The following CCDC93 variants were observed in gnomAD, a reference collection of about 807,000 sequenced individuals.
CCDC93 encodes the protein CCC complex scaffolding subunit CCDC93.
In CCDC93, 61 loss-of-function variants were observed where a neutral mutation model predicts 108.2. The ratio of observed to expected loss-of-function variants is 0.56; its 90% CI spans 0.46 to 0.70. The LOEUF (loss-of-function observed/expected upper bound fraction) is 0.70. CCDC93 is among the 30% of genes least tolerant of loss of function. CCDC93 has a pLI of 0.00. For missense variants in CCDC93, 685 were observed against 764.2 expected (o/e 0.90, Z 1.22); for synonymous variants, 276 against 260.4 (o/e 1.06, Z -0.58).
In CCDC93 at chr2:117,964,849, C is replaced by G. The variant is rs183876772; in HGVS notation, c.889-6368G>C. Among the ~76,000 whole-genome samples the G allele has an allele frequency of 8.5e-5, 13 of 152,294 alleles. No homozygotes were observed. The South Asian group carries it at 2.7e-3, about 32-fold the overall frequency. On this transcript the variant is annotated intron_variant, in intron 11 of 23. Coordinates refer to ENST00000376300, the MANE Select transcript of CCDC93 (RefSeq NM_019044.5). ...AACTCCTGGCCTCAAGCGATCCTCTCGCCTCAGGCTCCCAAAATGCTTGGA... is the reference window on the plus strand; with the variant it reads ...AACTCCTGGCCTCAAGCGATCCTCTGGCCTCAGGCTCCCAAAATGCTTGGA...
intron 13 of CCDC93, among the ~76,000 whole-genome samples, chr2:117,952,016 C>A (rs1679071172): frequency 6.6e-6 from 1 of 152,104 alleles, no homozygotes; most frequent in South Asian, 2.1e-4. Context: ...AGTTACTATA[C>A]AAGCTGCTGT....
chr2:117,970,190 G>T (rs1231419481), intron 11 of CCDC93, among the ~76,000 whole-genome samples: 1 of 152,094 alleles, frequency 6.6e-6, no homozygotes, highest in Non-Finnish European at 1.5e-5. Context: ...AATAATACAA[G>T]AAAGAGGCCA....
At chr2:117,995,193 G>A (rs1187608091) in intron 6 of CCDC93, among the ~76,000 whole-genome samples, 1 of 152,216 alleles carries the variant, frequency 6.6e-6, no homozygotes, top group Non-Finnish European at 1.5e-5. Context: ...GAAGGGCTCT[G>A]TGTTTGGCTA....
At chr2:117,924,253 C>A (rs531500477) in intron 23 of CCDC93, among the ~76,000 whole-genome samples, 79 of 152,296 alleles carry the variant, frequency 5.2e-4, no homozygotes, top group African/African-American at 1.8e-3. Flanking sequence ...CAGCTCCTCA[C>A]CAGCAATGGA....
At chr2:117,938,378 T>C (rs903756454) in intron 20 of CCDC93, among the ~76,000 whole-genome samples, 1 of 152,204 alleles carries the variant, frequency 6.6e-6, no homozygotes. Context: ...GGGAAAGCCC[T>C]GAGCCATTAA....
intron 1 of CCDC93, among the ~76,000 whole-genome samples, chr2:118,013,649 G>A (rs911065458): frequency 6.6e-6 from 1 of 152,178 alleles, no homozygotes; most frequent in Non-Finnish European, 1.5e-5. Flanking sequence ...AGAAAGGTGG[G>A]AGCCCAGGAC....
chr2:118,006,602 C>T (rs369516568), intron 3 of CCDC93, 120 bp downstream of exon 3: 1 of 687,576 alleles, frequency 1.5e-6, no homozygotes, highest in Non-Finnish European at 2.6e-6. Flanking sequence ...GGGATAATAC[C>T]TCTTGTAATA....
At chr2:117,973,799 G>C in intron 11 of CCDC93, 109 bp downstream of exon 11, 1 of 792,356 alleles carries the variant, frequency 1.3e-6, no homozygotes, top group Non-Finnish European at 2.2e-6. Flanking sequence ...CGTGGCTGGT[G>C]AGTTACAAGA....
At chr2:117,949,815 T>C (rs996246893) in intron 13 of CCDC93, 3 of 985,264 alleles carry the variant, frequency 3.0e-6, no homozygotes, top group Non-Finnish European at 3.6e-6. Context: ...ATCCAGACTA[T>C]TACATTAGAA....
At chr2:117,952,103 T>A (rs1049047349) in intron 13 of CCDC93, among the ~76,000 whole-genome samples, 3 of 151,822 alleles carry the variant, frequency 2.0e-5, no homozygotes, top group African/African-American at 7.3e-5. Flanking sequence ...AGGCTCACCT[T>A]CCCAGGAAGC....
intron 13 of CCDC93, chr2:117,950,340 T>C (rs531058165): frequency 4.1e-5 from 40 of 985,378 alleles, no homozygotes; most frequent in African/African-American, 5.2e-5. Context: ...TTAATGTACT[T>C]AGACATAAAA....
intron 20 of CCDC93, among the ~76,000 whole-genome samples, chr2:117,937,792 A>G (rs977701806): frequency 6.6e-6 from 1 of 152,174 alleles, no homozygotes; most frequent in Admixed American, 6.5e-5. Context: ...AATCCCATGA[A>G]ATGCATTCAT....
intron 12 of CCDC93, among the ~76,000 whole-genome samples, chr2:117,956,122 T>C (rs1054197108): frequency 2.0e-5 from 3 of 152,224 alleles, no homozygotes; most frequent in Non-Finnish European, 2.9e-5. Flanking sequence ...CTCATTTTCC[T>C]CATCCAGTTG....
At chr2:118,007,712 CT>C (rs1423057835) in intron 2 of CCDC93, among the ~76,000 whole-genome samples, 2 of 152,182 alleles carry the variant, frequency 1.3e-5, no homozygotes, top group African/African-American at 4.8e-5. Flanking sequence ...AATCTTACCC[CT>C]GGCTGCTTTA....
At chr2:117,999,256 T>C (rs550464247) in intron 4 of CCDC93, 19 of 152,192 alleles carry the variant, frequency 1.2e-4, no homozygotes, top group Non-Finnish European at 2.6e-4. Flanking sequence ...AGAGAACTTC[T>C]AGCTTCAAGG....
In CCDC93 at chr2:117,920,729, T is replaced by G. The variant is rs28496621; in HGVS notation, c.1843-333A>C. Among the ~76,000 whole-genome samples the G allele has an allele frequency of 8.4e-3, 1,270 of 152,066 alleles. 21 individuals are homozygous for G. Among genetic ancestry groups the G allele is most frequent in the African/African-American group, 0.029 (1,217 of 41,368 alleles). ...CTTATCTGCCAGTCTTGGCCTACTATGGTGAGGGAGTGGGGAAAGGCTTTG... is the reference window on the plus strand; with the variant it reads ...CTTATCTGCCAGTCTTGGCCTACTAGGGTGAGGGAGTGGGGAAAGGCTTTG... On this transcript the variant is annotated intron_variant, in intron 23 of 23. Transcript: ENST00000376300.
At chr2:118,000,739 G>T in intron 4 of CCDC93, 82 bp downstream of exon 4, 2 of 837,708 alleles carry the variant, frequency 2.4e-6, no homozygotes, top group East Asian at 2.5e-5. Flanking sequence ...ATCCAGGACA[G>T]ACGGACCCAT....
At chr2:117,997,068 G>A (rs574247541) in intron 4 of CCDC93, 39 of 152,268 alleles carry the variant, frequency 2.6e-4, no homozygotes, top group African/African-American at 9.4e-4. Flanking sequence ...TGCAAAGCTG[G>A]GAGTCACAAC....
At position 117,974,853 on chromosome 2, in the gene CCDC93, C is replaced by T; in HGVS notation, c.798G>A (p.Glu266=). The change falls in exon 10 of 24, where the codon GAG becomes GAA. Residue 266 remains glutamate (E), a synonymous_variant. Transcript: ENST00000376300. ...CACCTCCCCGACTCCCACTCACCTC[C>T]TCATTTGCCATAGCGGTCATCTTGG... ...LMTKMTAMAN[E]ESRLTASSVG... is the part of the protein sequence containing the mutation. 1 of 1,571,364 alleles carries T rather than the reference C, an allele frequency of 6.4e-7. No homozygotes were observed. Among genetic ancestry groups the T allele is most frequent in the Non-Finnish European group, 8.6e-7 (1 of 1,157,456 alleles).
Sources: gnomAD v4.1 joint callset for allele counts (sites outside exome capture counted in the v4.1 genomes callset) on GRCh38, gnomAD v4.1.1 for gene constraint, MANE v1.5 for transcripts, NCBI Gene and HGNC (gene_info 2026-07-23, HGNC 2026-07-21) for gene names.